The following PZP variants were observed in gnomAD, a reference collection of about 807,000 sequenced individuals.
PZP encodes PZP alpha-2-macroglobulin like, also known as pregnancy zone protein.
Under a neutral mutation model 179.8 loss-of-function variants are expected in PZP, and 150 were observed. The observed-to-expected ratio is 0.83, with a 90% CI of 0.73 to 0.96. PZP has a LOEUF of 0.96. Ranked by LOEUF, PZP falls within the 40% of genes least tolerant of loss-of-function variation. The pLI is 0.00. For synonymous variants in PZP, 624 were observed against 652.3 expected (o/e 0.96, Z 0.66); for missense variants, 1,689 against 1,764.0 (o/e 0.96, Z 0.76).
In PZP at chr12:9,162,664, A is replaced by G. The variant is rs747583792; in HGVS notation, c.2737-16T>C. 1.2e-5 allele frequency: 19 copies of G among 1,560,550 alleles called. No individual in the cohort carries two copies. In the South Asian group the frequency reaches 2.0e-4, roughly 17 times the overall value. ...TACCTTCAGCCTTGGATGAAAGGAA[A>G]GAAAAGGAGAAAAGATAGAAACATC... On this transcript the variant is annotated splice_polypyrimidine_tract_variant and intron_variant, in intron 21 of 35. Coordinates refer to ENST00000261336, the MANE Select transcript of PZP (RefSeq NM_002864.3).
chr12:9,147,392 T>A (rs1332255407), downstream of PZP, among the ~76,000 whole-genome samples: 1 of 152,202 alleles, frequency 6.6e-6, no homozygotes, highest in Non-Finnish European at 1.5e-5. Context: ...AGCTGGGAGC[T>A]AGGGGGCCTC....
At chr12:9,140,706 C>A in the PZP span, among the ~76,000 whole-genome samples, 15 of 152,164 alleles carry the variant, frequency 9.9e-5, no homozygotes, top group South Asian at 3.1e-3. Context: ...TGGGTGAATT[C>A]CTCTCCTCCT....
chr12:9,208,161 A>G, intron 1 of PZP, 98 bp downstream of exon 1: 2 of 825,120 alleles, frequency 2.4e-6, no homozygotes, highest in Admixed American at 1.9e-5. Context: ...AGGTATTGTA[A>G]TGAGTGGAAA....
chr12:9,158,408 G>A lies in PZP; in HGVS notation c.3294+12C>T, dbSNP rs772270236. Reference sequence around the variant, plus strand: ...ATGTGTGTCAGGCTCAGAAGTTTGTGGAACAGTTCACCTTTATGGCATTGT... The same window carrying A: ...ATGTGTGTCAGGCTCAGAAGTTTGTAGAACAGTTCACCTTTATGGCATTGT... On this transcript the variant is annotated intron_variant, in intron 26 of 35. Transcript: ENST00000261336. 5 of 1,613,818 alleles carry A rather than the reference G, an allele frequency of 3.1e-6. No homozygotes were observed. In the Admixed American group the frequency reaches 8.3e-5, roughly 27 times the overall value.
intron 13 of PZP, among the ~76,000 whole-genome samples, chr12:9,191,488 A>T (rs922553231): frequency 1.3e-5 from 2 of 152,100 alleles, no homozygotes; most frequent in Non-Finnish European, 2.9e-5. Flanking sequence ...AAACTGAAAA[A>T]TAAAAATTAA....
At chr12:9,137,432 G>C in the PZP span, among the ~76,000 whole-genome samples, 1 of 151,990 alleles carries the variant, frequency 6.6e-6, no homozygotes, top group Non-Finnish European at 1.5e-5. Context: ...CTGTGGTTTT[G>C]TACTAAATTT....
chr12:9,192,891 A>C, intron 11 of PZP, 152 bp from the exon 12 acceptor site: 1 of 557,534 alleles, frequency 1.8e-6, no homozygotes, highest in Non-Finnish European at 3.1e-6. Context: ...ATGAATTTTC[A>C]GTCTCCCAAC....
At chr12:9,188,000 A>T (rs10843089) in intron 13 of PZP, among the ~76,000 whole-genome samples, 33 of 152,098 alleles carry the variant, frequency 2.2e-4, no homozygotes, top group Non-Finnish European at 4.4e-4. Flanking sequence ...TGCCCCCATG[A>T]GGAGAAGTGG....
intron 13 of PZP, among the ~76,000 whole-genome samples, chr12:9,190,907 T>C (rs955113883): frequency 6.6e-6 from 1 of 152,142 alleles, no homozygotes; most frequent in Admixed American, 6.6e-5. Flanking sequence ...GTGAATAAAA[T>C]TTGTTCTTTT....
At chr12:9,158,696 G>A in intron 25 of PZP, 120 bp from the exon 26 acceptor site, 1 of 884,220 alleles carries the variant, frequency 1.1e-6, no homozygotes, top group Non-Finnish European at 1.6e-6. Flanking sequence ...AGCTGTTACT[G>A]AGAGTTTGGA....
At chr12:9,169,386 A>T (rs755091807) in intron 16 of PZP, 44 bp downstream of exon 16, 2 of 1,491,944 alleles carry the variant, frequency 1.3e-6, no homozygotes, top group East Asian at 2.3e-5. Context: ...ATTAACATTC[A>T]AAAACTCACA....
intron 13 of PZP, among the ~76,000 whole-genome samples, chr12:9,189,836 G>A (rs947463180): frequency 6.6e-6 from 1 of 151,976 alleles, no homozygotes; most frequent in African/African-American, 2.4e-5. Context: ...GCAAAGGACA[G>A]GAATAAACAC....
At chr12:9,165,928 C>G in intron 18 of PZP, 124 bp downstream of exon 18, 1 of 1,218,586 alleles carries the variant, frequency 8.2e-7, no homozygotes, top group Non-Finnish European at 1.1e-6. Flanking sequence ...TTAGGTCTAT[C>G]CTAAAGAGGA....
At chr12:9,204,557 G>A (rs1944353594) in intron 1 of PZP, among the ~76,000 whole-genome samples, 1 of 152,132 alleles carries the variant, frequency 6.6e-6, no homozygotes, top group African/African-American at 2.4e-5. Flanking sequence ...AGGCTCCTCA[G>A]ATACAGCTCA....
intron 13 of PZP, among the ~76,000 whole-genome samples, chr12:9,190,989 A>T (rs559329743): frequency 0.029 from 4,373 of 152,272 alleles, 99 homozygotes; most frequent in Non-Finnish European, 0.042. Context: ...CTATTAAAAT[A>T]TGTGGTTAAA....
In PZP at chr12:9,160,339, G is replaced by C. The variant is rs1440127287; in HGVS notation, c.3024C>G (p.Ala1008=). 4 of 1,613,718 alleles carry C rather than the reference G, an allele frequency of 2.5e-6. No homozygotes were observed. In the East Asian group the frequency reaches 6.7e-5, roughly 27 times the overall value. Residue 1008 remains alanine, a synonymous_variant, in exon 24 of 36, where the codon GCC becomes GCG. Coordinates refer to ENST00000261336, the MANE Select transcript of PZP (RefSeq NM_002864.3). The part of the protein sequence containing the change: ...ETQQLTQEIK[A]KAVGYLITGY... ...CAGTGATGAGATAGCCAACGGCCTTGGCCTTGATCTCCTGCGTCAGCTGCT... is the reference window on the plus strand; with the variant it reads ...CAGTGATGAGATAGCCAACGGCCTTCGCCTTGATCTCCTGCGTCAGCTGCT...
intron 10 of PZP, among the ~76,000 whole-genome samples, chr12:9,194,789 A>G (rs1277799864): frequency 6.6e-6 from 1 of 152,126 alleles, no homozygotes; most frequent in East Asian, 1.9e-4. Context: ...TTTAATAACT[A>G]CAACTTGCCA....
At chr12:9,204,781 T>C (rs1358151246) in intron 1 of PZP, among the ~76,000 whole-genome samples, 3 of 152,222 alleles carry the variant, frequency 2.0e-5, no homozygotes, top group Admixed American at 6.5e-5. Context: ...GTGGATAGGT[T>C]ATCTTTTCAA....
intron 27 of PZP, 71 bp downstream of exon 27, chr12:9,157,696 T>G: frequency 7.4e-7 from 1 of 1,356,296 alleles, no homozygotes; most frequent in East Asian, 2.3e-5. Context: ...ACTCAACCCT[T>G]AGCAGGGTGG....
Sources: allele counts gnomAD v4.1 joint callset (sites outside exome capture counted in the v4.1 genomes callset), GRCh38; gene constraint gnomAD v4.1.1; transcripts MANE v1.5; gene names NCBI Gene and HGNC (gene_info 2026-07-23, HGNC 2026-07-21).